LRRC61: variants seen among roughly 807,000 people sequenced by gnomAD.
LRRC61 encodes the protein leucine-rich repeat-containing protein 61.
A neutral mutation model predicts 15.1 loss-of-function variants in LRRC61; 9 were observed. The ratio of observed to expected loss-of-function variants is 0.60; its 90% CI spans 0.36 to 1.04. The LOEUF (loss-of-function observed/expected upper bound fraction) is 1.04, where lower values mean the gene tolerates loss of function less well. Ranked by LOEUF, LRRC61 falls within the 50% of genes least tolerant of loss-of-function variation. The pLI is 0.01. For missense variants in LRRC61, 344 were observed against 335.6 expected, an observed-to-expected ratio of 1.03 and a Z score of -0.20; for synonymous variants, 173 against 158.6, an observed-to-expected ratio of 1.09 and a Z score of -0.68.
At chr7:150,320,452 A>G (rs1797385620), upstream of LRRC61, among the ~76,000 whole-genome samples, 1 of 152,234 alleles carries the variant, frequency 6.6e-6, no homozygotes, top group African/African-American at 2.4e-5. Context: ...AGAGCAAAAT[A>G]TAGTTTAAAT....
chr7:150,313,495 G>C, the LRRC61 span, among the ~76,000 whole-genome samples: 2 of 152,210 alleles, frequency 1.3e-5, no homozygotes, highest in Non-Finnish European at 2.9e-5. Flanking sequence ...CAGGTAGCAG[G>C]CTTCACAGAA....
At chr7:150,309,870 G>C in the LRRC61 span, among the ~76,000 whole-genome samples, 1 of 152,158 alleles carries the variant, frequency 6.6e-6, no homozygotes, top group Non-Finnish European at 1.5e-5. Context: ...CATCATGGAC[G>C]CCGAGCTTCG....
upstream of LRRC61, among the ~76,000 whole-genome samples, chr7:150,321,950 C>T (rs993432524): frequency 2.0e-5 from 3 of 152,124 alleles, no homozygotes; most frequent in Non-Finnish European, 2.9e-5. Flanking sequence ...CGGGCCAGCC[C>T]CTTGAATATG....
intron 1 of LRRC61, chr7:150,323,781 A>G (rs1340458796): frequency 6.8e-6 from 3 of 443,964 alleles, no homozygotes; most frequent in Non-Finnish European, 1.4e-5. Context: ...AACACTAACA[A>G]TCTCATGAGG....
intron 2 of LRRC61, chr7:150,334,024 GA>G: frequency 1.0e-6 from 1 of 985,360 alleles, no homozygotes; most frequent in African/African-American, 1.7e-5. Context: ...GGGCAACAGG[GA>G]AGGGCCGATT....
At position 150,337,481 on chromosome 7, in the gene LRRC61, C is replaced by G. The variant is rs756782781; in HGVS notation, c.620C>G (p.Ser207Cys). The G allele has an allele frequency of 6.2e-7, 1 of 1,602,724 alleles. No individual in the cohort carries two copies. The highest frequency in any genetic ancestry group is 1.1e-5 in the South Asian group (1 of 91,008). The change falls in exon 3 of 3, where the codon TCC (serine) becomes TGC (cysteine). Residue 207 changes from serine to cysteine, a missense_variant. Coordinates refer to ENST00000359623, the MANE Select transcript of LRRC61 (RefSeq NM_001142928.2). ...TGGGTGGAGCCAGGCTACTGGGAGT[C>G]CTGGCCCAGCCGGAGCAGCTCCATC... Reference protein sequence around the residue: ...QPWVEPGYWESWPSRSSSILE... With the variant: ...QPWVEPGYWECWPSRSSSILE...
intron 2 of LRRC61, among the ~76,000 whole-genome samples, chr7:150,329,510 G>T (rs771958812): frequency 6.6e-6 from 1 of 152,120 alleles, no homozygotes; most frequent in African/African-American, 2.4e-5. Context: ...GCCTGTCTCC[G>T]CCACCCATTG....
At chr7:150,336,638 A>C in intron 2 of LRRC61, 80 bp from the exon 3 acceptor site, 1 of 600,778 alleles carries the variant, frequency 1.7e-6, no homozygotes, top group Non-Finnish European at 2.9e-6. Flanking sequence ...TTCATGGTAA[A>C]AGCAGGGTCA....
upstream of LRRC61, among the ~76,000 whole-genome samples, chr7:150,319,226 CAG>C (rs1451232724): frequency 2.1e-5 from 3 of 145,378 alleles, no homozygotes; most frequent in Admixed American, 6.9e-5. Context: ...TTTTTTGAGA[CAG>C]AGTCTCACTC....
upstream of LRRC61, chr7:150,323,276 C>A (rs186242756): frequency 1.8e-3 from 455 of 248,112 alleles, no homozygotes; most frequent in Non-Finnish European, 2.8e-3. Context: ...GGCTGCGCTT[C>A]CGGAAGTAAC....
rs575289818 is a variant in LRRC61, at chr7:150,334,356, C to T, written c.-144-2362C>T. Among the ~76,000 whole-genome samples, 46 of 151,538 alleles carry T rather than the reference C, an allele frequency of 3.0e-4. No homozygotes were observed. In the South Asian group the frequency reaches 9.4e-3, roughly 31 times the overall value. On this transcript the variant is annotated intron_variant, in intron 2 of 2. Coordinates refer to ENST00000359623, the MANE Select transcript of LRRC61 (RefSeq NM_001142928.2). ...GCCTTCCGTGTTCTCCTCCCTCTGG[C>T]TGCTTGGCAGAATCCTTCACAGACT...
In LRRC61 at chr7:150,330,738, G is replaced by A. The variant is rs1282287857; in HGVS notation, c.-145+4728G>A. 8 of 1,605,854 alleles carry A rather than the reference G, an allele frequency of 5.0e-6. No homozygotes were observed. In the East Asian group the frequency reaches 1.8e-4, roughly 36 times the overall value. ...CGTGTACAAGGTGAAGGAGATTAGA[G>A]TGTCTGAATACTCTTTGAACTCCCC... is the stretch of plus-strand genomic sequence containing the variant. On this transcript the variant is annotated intron_variant, in intron 2 of 2. Transcript: ENST00000359623. The surrounding 1 kb of genome is among the most constrained non-coding windows in gnomAD (Gnocchi z 4.6).
chr7:150,314,614 C>T, the LRRC61 span, among the ~76,000 whole-genome samples: 2 of 151,926 alleles, frequency 1.3e-5, no homozygotes, highest in Non-Finnish European at 2.9e-5. Context: ...TATTTTTGTG[C>T]TTTTCTAGAT....
chr7:150,317,767 T>A, the LRRC61 span, among the ~76,000 whole-genome samples: 1 of 152,180 alleles, frequency 6.6e-6, no homozygotes, highest in African/African-American at 2.4e-5. Flanking sequence ...CACTACAATC[T>A]AGTTATTATC....
In LRRC61 at chr7:150,323,383, C is replaced by T; in HGVS notation, c.-492C>T. On this transcript the variant is annotated 5_prime_UTR_variant, in exon 1 of 3. Transcript: ENST00000359623. ...CTCAGGCCTGCGGCGCTGGGAGAAG[C>T]ACGCTGGCCAACAAGTTGGGTGGTG... is the stretch of plus-strand genomic sequence containing the variant. 3.4e-6 allele frequency: 1 copy of T among 295,330 alleles called. No homozygotes were observed. The highest frequency in any genetic ancestry group is 6.5e-6 in the Non-Finnish European group (1 of 152,706). The allele number at this position is 295,330 out of a possible 1,614,324, so 18.3% of individuals were successfully genotyped here. A position where few individuals can be genotyped will look rare whatever the true frequency, so the allele number is the denominator to read the frequency against.
At chr7:150,315,294 C>G in the LRRC61 span, among the ~76,000 whole-genome samples, 2 of 152,010 alleles carry the variant, frequency 1.3e-5, no homozygotes, top group African/African-American at 2.4e-5. Context: ...AAACTTCTGT[C>G]CTGCTAAAAC....
the LRRC61 span, among the ~76,000 whole-genome samples, chr7:150,310,986 G>A: frequency 3.2e-4 from 48 of 152,084 alleles, no homozygotes; most frequent in Non-Finnish European, 1.0e-4. Context: ...TGCAGACCGT[G>A]TTCAGTTAAT....
At chr7:150,320,978 A>G (rs1226883194), upstream of LRRC61, among the ~76,000 whole-genome samples, 1 of 152,206 alleles carries the variant, frequency 6.6e-6, no homozygotes, top group East Asian at 1.9e-4. Flanking sequence ...CTCTTTGACT[A>G]AACTTGAGTC....
the LRRC61 span, among the ~76,000 whole-genome samples, chr7:150,313,540 T>A: frequency 1.3e-5 from 2 of 152,334 alleles, no homozygotes; most frequent in Non-Finnish European, 2.9e-5. Context: ...ACTTAAGGTC[T>A]GTGTGGATGT....
Sources: gnomAD v4.1 joint callset for allele counts (sites outside exome capture counted in the v4.1 genomes callset) on GRCh38, gnomAD v4.1.1 for gene constraint, Gnocchi (gnomAD v3.1) non-coding constraint, MANE v1.5 for transcripts, NCBI Gene and HGNC (gene_info 2026-07-23, HGNC 2026-07-21) for gene names.